Variants in XKR4 observed in about 807,000 individuals in gnomAD.
XKR4 encodes the protein XK related 4.
In XKR4, 12 loss-of-function variants were observed where a neutral mutation model predicts 53.9. The ratio of observed to expected loss-of-function variants is 0.22; its 90% CI spans 0.14 to 0.36. The LOEUF is 0.36. Ranked by LOEUF, XKR4 falls within the 10% of genes least tolerant of loss-of-function variation. The pLI is 1.00. For synonymous variants in XKR4, 354 were observed against 362.4 expected (o/e 0.98, Z 0.26); for missense variants, 799 against 859.5 (o/e 0.93, Z 0.88).
chr8:55,406,898 G>A (rs1374228106), intron 2 of XKR4, among the ~76,000 whole-genome samples: 1 of 152,166 alleles, frequency 6.6e-6, no homozygotes, highest in Non-Finnish European at 1.5e-5. Flanking sequence ...GGAAGACAGG[G>A]AATCATTATT....
At chr8:55,495,738 G>A (rs1008533786) in intron 2 of XKR4, among the ~76,000 whole-genome samples, 1 of 152,218 alleles carries the variant, frequency 6.6e-6, no homozygotes, top group Non-Finnish European at 1.5e-5. Context: ...GTTGGATTGG[G>A]GGCAGCTCAG....
chr8:55,522,866 G>C (rs1806817785), intron 2 of XKR4, among the ~76,000 whole-genome samples: 1 of 152,144 alleles, frequency 6.6e-6, no homozygotes, highest in Non-Finnish European at 1.5e-5. Context: ...ATTCCTATTA[G>C]CTTCATGACT....
chr8:55,346,638 T>C (rs370139045), intron 1 of XKR4, among the ~76,000 whole-genome samples: 24 of 151,344 alleles, frequency 1.6e-4, no homozygotes, highest in African/African-American at 5.8e-4. Context: ...GGATGACAAG[T>C]CATACAATTT....
At chr8:55,494,075 G>A (rs550496527) in intron 2 of XKR4, among the ~76,000 whole-genome samples, 54 of 152,210 alleles carry the variant, frequency 3.5e-4, no homozygotes, top group Non-Finnish European at 5.7e-4. Context: ...TAGATCCCAC[G>A]CCTGCCAAGG....
intron 2 of XKR4, among the ~76,000 whole-genome samples, chr8:55,379,323 C>T (rs1804198838): frequency 6.6e-6 from 1 of 152,128 alleles, no homozygotes; most frequent in South Asian, 2.1e-4. Context: ...TCCCCCAATA[C>T]CAAAAAATTA....
chr8:55,148,457 T>C (rs1192524945), intron 1 of XKR4, among the ~76,000 whole-genome samples: 2 of 152,040 alleles, frequency 1.3e-5, no homozygotes, highest in Non-Finnish European at 2.9e-5. Flanking sequence ...TAAATGACAA[T>C]ATGACAATCC....
chr8:55,482,796 A>C (rs1218146812), intron 2 of XKR4, among the ~76,000 whole-genome samples: 1 of 152,146 alleles, frequency 6.6e-6, no homozygotes, highest in African/African-American at 2.4e-5. Flanking sequence ...TGTATTTTGG[A>C]TTTCCAAAAC....
intron 1 of XKR4, among the ~76,000 whole-genome samples, chr8:55,116,515 G>A (rs916734875): frequency 4.6e-5 from 7 of 152,088 alleles, no homozygotes; most frequent in African/African-American, 1.7e-4. Context: ...GAAATGTAAC[G>A]TTCAACAATA....
At chr8:55,365,243 C>T (rs534177679) in intron 2 of XKR4, among the ~76,000 whole-genome samples, 1 of 152,374 alleles carries the variant, frequency 6.6e-6, no homozygotes, top group East Asian at 1.9e-4. Context: ...GCCGCTGGCC[C>T]TTCACGCACG....
chr8:55,506,984 G>T (rs1015490441), intron 2 of XKR4, among the ~76,000 whole-genome samples: 9 of 152,014 alleles, frequency 5.9e-5, no homozygotes, highest in Non-Finnish European at 1.2e-4. Flanking sequence ...ATTAGCTTAG[G>T]GTTGTGGTGT....
intron 1 of XKR4, among the ~76,000 whole-genome samples, chr8:55,301,915 T>A (rs10958454): frequency 6.6e-6 from 1 of 151,954 alleles, no homozygotes; most frequent in Admixed American, 6.6e-5. Flanking sequence ...AGATAAGCAG[T>A]TTGCAAAAAT....
Position 55,506,305 on chromosome 8 carries a change from A to C in XKR4, c.1007-16976A>C, listed in dbSNP as rs1299864439. Among the ~76,000 whole-genome samples, 3 of 152,348 alleles carry C rather than the reference A, an allele frequency of 2.0e-5. No homozygotes were observed. The East Asian group carries it at 5.8e-4, about 29-fold the overall frequency. On this transcript the variant is annotated intron_variant, in intron 2 of 2. Coordinates refer to ENST00000327381, the MANE Select transcript of XKR4 (RefSeq NM_052898.2). ...TCTCTACTAACTAGAGATCAAATAG[A>C]TAGGCCTGAAAGGCTCACAGCAAAA...
At chr8:55,496,460 T>A (rs1194466196) in intron 2 of XKR4, among the ~76,000 whole-genome samples, 1 of 152,188 alleles carries the variant, frequency 6.6e-6, no homozygotes, top group Non-Finnish European at 1.5e-5. Context: ...AAAGGAGAGA[T>A]CTTAAGACAG....
intron 1 of XKR4, among the ~76,000 whole-genome samples, chr8:55,283,568 G>A (rs1023483959): frequency 2.0e-5 from 3 of 152,188 alleles, no homozygotes; most frequent in African/African-American, 7.2e-5. Context: ...ATGAGCACTC[G>A]AATAGAAACC....
intron 1 of XKR4, among the ~76,000 whole-genome samples, chr8:55,210,849 A>G (rs1817721107): frequency 6.6e-6 from 1 of 152,192 alleles, no homozygotes; most frequent in African/African-American, 2.4e-5. Flanking sequence ...TCATTTGCAT[A>G]AGGTGTGCAT....
At chr8:55,127,411 C>T (rs1816483562) in intron 1 of XKR4, among the ~76,000 whole-genome samples, 1 of 151,766 alleles carries the variant, frequency 6.6e-6, no homozygotes, top group Non-Finnish European at 1.5e-5. Context: ...CACCACCATG[C>T]CCGGCTAATA....
intron 1 of XKR4, among the ~76,000 whole-genome samples, chr8:55,310,408 A>C (rs932740009): frequency 4.6e-5 from 7 of 152,224 alleles, no homozygotes; most frequent in African/African-American, 1.7e-4. Context: ...TGTGAGTTTC[A>C]AATGAAACAA....
intron 2 of XKR4, among the ~76,000 whole-genome samples, chr8:55,461,736 G>GATA (rs1805661368): frequency 6.6e-6 from 1 of 152,192 alleles, no homozygotes; most frequent in Non-Finnish European, 1.5e-5. Flanking sequence ...AAAAAAATTA[G>GATA]ACGAATGGAT....
intron 1 of XKR4, among the ~76,000 whole-genome samples, chr8:55,145,509 T>C (rs1049380469): frequency 2.0e-5 from 3 of 152,216 alleles, no homozygotes; most frequent in African/African-American, 7.2e-5. Context: ...CCAGAAATAT[T>C]TGGCATAATT....
Sources: allele counts gnomAD v4.1 joint callset (sites outside exome capture counted in the v4.1 genomes callset), GRCh38; gene constraint gnomAD v4.1.1; transcripts MANE v1.5; gene names NCBI Gene and HGNC (gene_info 2026-07-23, HGNC 2026-07-21).